The following ANO3 variants were observed in gnomAD, a reference collection of about 807,000 sequenced individuals.
The protein encoded by ANO3 is anoctamin 3, also known as anoctamin-3.
ANO3 carries 99 observed loss-of-function variants against 144.8 expected under a neutral mutation model. The ratio of observed to expected loss-of-function variants is 0.68; its 90% CI spans 0.58 to 0.81. The LOEUF (loss-of-function observed/expected upper bound fraction) is 0.81. Among genes scored for constraint, ANO3 ranks in the 30% least tolerant of loss-of-function variants. ANO3 has a pLI of 0.00. For synonymous variants in ANO3, 414 were observed against 392.6 expected (o/e 1.05, Z -0.64); for missense variants, 905 against 1,202.2 (o/e 0.75, Z 3.66).
intron 1 of ANO3, among the ~76,000 whole-genome samples, chr11:26,209,738 C>T (rs1256786181): frequency 2.0e-5 from 3 of 152,102 alleles, no homozygotes; most frequent in Non-Finnish European, 4.4e-5. Flanking sequence ...TCTCTAATGG[C>T]CAGAGATGAT....
At chr11:26,277,013 T>C (rs1246226494) in intron 1 of ANO3, among the ~76,000 whole-genome samples, 1 of 152,104 alleles carries the variant, frequency 6.6e-6, no homozygotes, top group Admixed American at 6.6e-5. Context: ...CGCGGTAAGC[T>C]TGCCCTCTAG....
intron 1 of ANO3, among the ~76,000 whole-genome samples, chr11:26,232,258 G>A (rs1354832929): frequency 6.6e-6 from 1 of 152,176 alleles, no homozygotes; most frequent in African/African-American, 2.4e-5. Flanking sequence ...AAAGAATGGA[G>A]AAGGAGTGGG....
chr11:26,574,993 T>G (rs1312992511), intron 14 of ANO3, among the ~76,000 whole-genome samples: 1 of 152,098 alleles, frequency 6.6e-6, no homozygotes, highest in Non-Finnish European at 1.5e-5. Context: ...GGATAGATCT[T>G]TATGTGATTT....
In ANO3 at chr11:26,457,242, A is replaced by T. The variant is rs1334090769; in HGVS notation, c.314-5788A>T. ...AGGTATAATTAAAAAAAGAAATAAA[A>T]AAAAAACCTGCACGTTTTTGCACAT... On this transcript the variant is annotated intron_variant, in intron 3 of 26. Coordinates refer to ENST00000256737, the MANE Select transcript of ANO3 (RefSeq NM_031418.4). Among the ~76,000 whole-genome samples, 3 of 29,520 alleles carry T rather than the reference A, an allele frequency of 1.0e-4. No individual in the cohort carries two copies. The East Asian group carries it at 7.5e-3, about 73-fold the overall frequency. The allele number at this position is 29,520 out of a possible 152,430, so 19.4% of individuals were successfully genotyped here. A position where few individuals can be genotyped will look rare whatever the true frequency, so the allele number is the denominator to read the frequency against.
At chr11:26,266,427 A>T (rs1853308091) in intron 1 of ANO3, among the ~76,000 whole-genome samples, 1 of 148,650 alleles carries the variant, frequency 6.7e-6, no homozygotes, top group Non-Finnish European at 1.5e-5. Flanking sequence ...CAAACAACAA[A>T]TGTAATTTTT....
chr11:26,193,303 G>A (rs1006995821), intron 1 of ANO3, among the ~76,000 whole-genome samples: 2 of 151,756 alleles, frequency 1.3e-5, no homozygotes, highest in Non-Finnish European at 2.9e-5. Flanking sequence ...CACCACGCCC[G>A]GCTAATTTTT....
chr11:26,265,806 G>A (rs781458502), intron 1 of ANO3, among the ~76,000 whole-genome samples: 24 of 152,166 alleles, frequency 1.6e-4, no homozygotes, highest in Non-Finnish European at 2.8e-4. Flanking sequence ...AGAAACTTAT[G>A]TATGGTGGCT....
Position 26,332,162 on chromosome 11 carries a change from G to A in ANO3, c.-114G>A. ...GAAGTGCCGGCTACAGCAGGTGTCG[G>A]ATTGCAGTGCGCTCGCTGAGGCTCC... On this transcript the variant is annotated 5_prime_UTR_variant, in exon 1 of 27. Transcript: ENST00000256737. 6.3e-7 allele frequency: 1 copy of A among 1,592,694 alleles called. No individual in the cohort carries two copies. Among genetic ancestry groups the A allele is most frequent in the South Asian group, 1.1e-5 (1 of 88,094 alleles).
At chr11:26,261,585 G>A (rs1399081897) in intron 1 of ANO3, among the ~76,000 whole-genome samples, 4 of 152,132 alleles carry the variant, frequency 2.6e-5, no homozygotes, top group African/African-American at 4.8e-5. Flanking sequence ...AGCCTTCTCC[G>A]ATGACTTGAC....
intron 9 of ANO3, among the ~76,000 whole-genome samples, chr11:26,536,757 G>A (rs1182209238): frequency 6.6e-6 from 1 of 151,906 alleles, no homozygotes; most frequent in Non-Finnish European, 1.5e-5. Context: ...AATTGATTGT[G>A]CTATAAAAAT....
At chr11:26,383,921 G>A (rs1459113289) in intron 1 of ANO3, among the ~76,000 whole-genome samples, 7 of 85,688 alleles carry the variant, frequency 8.2e-5, no homozygotes, top group Admixed American at 2.0e-4. Context: ...TTTTTGAGAC[G>A]GAATCTCTCT....
chr11:26,264,915 A>G (rs570734426), intron 1 of ANO3, among the ~76,000 whole-genome samples: 17 of 152,036 alleles, frequency 1.1e-4, no homozygotes, highest in Non-Finnish European at 2.5e-4. Flanking sequence ...ACATATAAAT[A>G]TAGGGGAGAC....
intron 4 of ANO3, 140 bp downstream of exon 4, chr11:26,463,288 G>T: frequency 2.2e-6 from 1 of 447,304 alleles, no homozygotes; most frequent in South Asian, 5.4e-5. Context: ...GAACTCAGAA[G>T]CAAAAAGTTG....
At chr11:26,505,011 C>CAAAAAAA (rs61530995) in intron 4 of ANO3, among the ~76,000 whole-genome samples, 2 of 63,666 alleles carry the variant, frequency 3.1e-5, no homozygotes, top group African/African-American at 6.6e-5. Flanking sequence ...GACTCCACCT[C>CAAAAAAA]AAAAAAAAAA....
intron 10 of ANO3, among the ~76,000 whole-genome samples, chr11:26,538,160 C>G (rs1187242610): frequency 4.6e-5 from 7 of 152,166 alleles, no homozygotes; most frequent in African/African-American, 7.2e-5. Context: ...GTATTGAGTA[C>G]TTGCTATTGG....
chr11:26,433,471 T>C (rs968158971), intron 1 of ANO3, among the ~76,000 whole-genome samples: 1 of 152,132 alleles, frequency 6.6e-6, no homozygotes, highest in African/African-American at 2.4e-5. Flanking sequence ...TGCCTTGTGC[T>C]TGTTTTCAAG....
At chr11:26,460,227 T>C in intron 3 of ANO3, 1 of 327,942 alleles carries the variant, frequency 3.0e-6, no homozygotes, top group South Asian at 2.5e-5. Flanking sequence ...ATATATTTTT[T>C]CATTTTTATT....
chr11:26,227,862 A>C (rs894234818), intron 1 of ANO3, among the ~76,000 whole-genome samples: 4 of 152,342 alleles, frequency 2.6e-5, no homozygotes, highest in African/African-American at 9.6e-5. Flanking sequence ...AACATAATTT[A>C]AATTTTTTTA....
chr11:26,365,076 A>T (rs1856030262), intron 1 of ANO3, among the ~76,000 whole-genome samples: 4 of 152,256 alleles, frequency 2.6e-5, no homozygotes, highest in Admixed American at 2.6e-4. Flanking sequence ...ACCCATTCCA[A>T]AAAGAAGAAA....
Sources: gnomAD v4.1 joint callset for allele counts (sites outside exome capture counted in the v4.1 genomes callset) on GRCh38, gnomAD v4.1.1 for gene constraint, MANE v1.5 for transcripts, NCBI Gene and HGNC (gene_info 2026-07-23, HGNC 2026-07-21) for gene names.